AIG1: variants seen among roughly 807,000 people sequenced by gnomAD.
The protein encoded by AIG1 is androgen-induced gene 1 protein.
Under a neutral mutation model 31.4 loss-of-function variants are expected in AIG1, and 23 were observed. That is an observed-to-expected ratio of 0.73 (90% CI 0.53 to 1.04). The LOEUF is 1.04. Ranked by LOEUF, AIG1 falls within the 50% of genes least tolerant of loss-of-function variation. The pLI is 0.00. For synonymous variants in AIG1, 100 were observed against 110.5 expected (o/e 0.90, Z 0.60); for missense variants, 274 against 295.0 (o/e 0.93, Z 0.52).
intron 3 of AIG1, among the ~76,000 whole-genome samples, chr6:143,190,823 T>G (rs935542587): frequency 6.6e-6 from 1 of 152,190 alleles, no homozygotes; most frequent in East Asian, 1.9e-4. Flanking sequence ...AAAACTCTTT[T>G]CCTTTAAAAG....
chr6:143,123,839 C>T (rs1054487922), intron 1 of AIG1, among the ~76,000 whole-genome samples: 5 of 152,180 alleles, frequency 3.3e-5, no homozygotes, highest in African/African-American at 4.8e-5. Flanking sequence ...CTAACATAAG[C>T]ATCACACATT....
chr6:143,290,851 T>G (rs1798015494), intron 4 of AIG1, among the ~76,000 whole-genome samples: 1 of 152,152 alleles, frequency 6.6e-6, no homozygotes, highest in African/African-American at 2.4e-5. Context: ...CTACCTTTCT[T>G]GGGGCTTACA....
chr6:143,112,533 C>T (rs1307028942), intron 1 of AIG1, among the ~76,000 whole-genome samples: 1 of 152,116 alleles, frequency 6.6e-6, no homozygotes, highest in African/African-American at 2.4e-5. Flanking sequence ...ATTATCCCTG[C>T]CTATGAGGCT....
chr6:143,248,397 C>T (rs753804121), intron 3 of AIG1, among the ~76,000 whole-genome samples: 1 of 152,136 alleles, frequency 6.6e-6, no homozygotes, highest in African/African-American at 2.4e-5. Context: ...CTCCAGTACC[C>T]TCAAATATAG....
rs866073764 is a variant in AIG1 at position 143,183,190 on chromosome 6, C to A, written c.399+18007C>A. Among the ~76,000 whole-genome samples the A allele has an allele frequency of 1.2e-3, 176 of 145,978 alleles. 1 individual carries two copies. Among genetic ancestry groups the A allele is most frequent in the African/African-American group, 4.2e-3 (168 of 40,190 alleles). ...TTCTCTCTCTAAGGAAATAATCGGA[C>A]AATGGCTTTTTTTTTTTTTTTTTGG... On this transcript the variant is annotated intron_variant, in intron 3 of 5. Coordinates refer to ENST00000357847, the MANE Select transcript of AIG1 (RefSeq NM_016108.4).
At chr6:143,137,332 G>A (rs1241235163) in intron 2 of AIG1, among the ~76,000 whole-genome samples, 3 of 152,142 alleles carry the variant, frequency 2.0e-5, no homozygotes, top group Admixed American at 6.5e-5. Flanking sequence ...AGTCATATTA[G>A]ATTAGGGCCC....
intron 2 of AIG1, among the ~76,000 whole-genome samples, chr6:143,154,702 A>G (rs1288691131): frequency 6.6e-6 from 1 of 152,182 alleles, no homozygotes; most frequent in Non-Finnish European, 1.5e-5. Context: ...TATCGTATCA[A>G]TGTTAATTTT....
At chr6:143,096,253 A>G (rs993434487) in intron 1 of AIG1, among the ~76,000 whole-genome samples, 12 of 152,150 alleles carry the variant, frequency 7.9e-5, no homozygotes, top group African/African-American at 2.9e-4. Context: ...ACAGAGAAAT[A>G]ATCTGGCCAG....
intron 3 of AIG1, among the ~76,000 whole-genome samples, chr6:143,233,579 C>CAAA (rs67282019): frequency 1.6e-5 from 2 of 123,622 alleles, no homozygotes; most frequent in African/African-American, 3.1e-5. Flanking sequence ...ATTTATGGAC[C>CAAA]AAAAAAAAAA....
intron 3 of AIG1, among the ~76,000 whole-genome samples, chr6:143,176,186 A>G (rs1468069959): frequency 1.3e-5 from 2 of 152,204 alleles, no homozygotes; most frequent in African/African-American, 4.8e-5. Context: ...CGTGGATCCC[A>G]GCACCTGCTC....
At chr6:143,195,583 T>A (rs571123555) in intron 3 of AIG1, among the ~76,000 whole-genome samples, 1 of 150,826 alleles carries the variant, frequency 6.6e-6, no homozygotes. Flanking sequence ...TAGGAAGGAA[T>A]AGAAGAAGGC....
intron 1 of AIG1, among the ~76,000 whole-genome samples, chr6:143,066,483 C>T (rs1776723045): frequency 6.6e-6 from 1 of 151,998 alleles, no homozygotes; most frequent in African/African-American, 2.4e-5. Flanking sequence ...ATGTTGGCCA[C>T]ACTGGTCTCA....
chr6:143,069,630 A>C (rs1283135328), intron 1 of AIG1, among the ~76,000 whole-genome samples: 1 of 152,030 alleles, frequency 6.6e-6, no homozygotes, highest in Non-Finnish European at 1.5e-5. Context: ...GTTCTTTGTG[A>C]AGTTTGCCCA....
intron 1 of AIG1, among the ~76,000 whole-genome samples, chr6:143,099,094 T>G (rs1222125459): frequency 6.6e-6 from 1 of 152,224 alleles, no homozygotes; most frequent in Non-Finnish European, 1.5e-5. Flanking sequence ...GTTTTTGATT[T>G]AAAAAGACCA....
At chr6:143,296,318 C>A (rs1798424576) in intron 4 of AIG1, among the ~76,000 whole-genome samples, 1 of 152,140 alleles carries the variant, frequency 6.6e-6, no homozygotes, top group Admixed American at 6.5e-5. Flanking sequence ...TGACCTAGTT[C>A]AGGCAATAAA....
At chr6:143,077,305 A>G (rs1164961200) in intron 1 of AIG1, among the ~76,000 whole-genome samples, 2 of 152,156 alleles carry the variant, frequency 1.3e-5, no homozygotes, top group Non-Finnish European at 2.9e-5. Flanking sequence ...TGCTCTCTTT[A>G]GTTCTTATGT....
chr6:143,177,309 G>C (rs1416426183), intron 3 of AIG1, among the ~76,000 whole-genome samples: 5 of 151,886 alleles, frequency 3.3e-5, no homozygotes, highest in Admixed American at 3.3e-4. Flanking sequence ...TTTCCTTTGG[G>C]GTCTGTTACT....
intron 1 of AIG1, among the ~76,000 whole-genome samples, chr6:143,095,470 C>A (rs892989048): frequency 2.6e-5 from 4 of 151,978 alleles, no homozygotes; most frequent in Non-Finnish European, 4.4e-5. Flanking sequence ...GCAAGAAAAA[C>A]CAAATAAAAC....
intron 3 of AIG1, among the ~76,000 whole-genome samples, chr6:143,197,406 T>G (rs1419511004): frequency 1.3e-5 from 2 of 152,194 alleles, no homozygotes; most frequent in Non-Finnish European, 2.9e-5. Flanking sequence ...TAGTAGAGGT[T>G]TTGAGCAAGT....
Sources: allele counts gnomAD v4.1 joint callset (sites outside exome capture counted in the v4.1 genomes callset), GRCh38; gene constraint gnomAD v4.1.1; transcripts MANE v1.5; gene names NCBI Gene and HGNC (gene_info 2026-07-23, HGNC 2026-07-21).